FBXO36: variants seen among roughly 807,000 people sequenced by gnomAD.
FBXO36 encodes F-box only protein 36.
FBXO36 carries 18 observed loss-of-function variants against 17.0 expected under a neutral mutation model. That is an observed-to-expected ratio of 1.06 (90% confidence interval 0.73 to 1.57). The LOEUF is 1.57. FBXO36 is among the 40% of genes most tolerant of loss of function. The pLI is 0.00. For missense variants in FBXO36, 229 were observed against 221.9 expected (o/e 1.03, Z -0.20); for synonymous variants, 83 against 85.3 (o/e 0.97, Z 0.15).
rs951530598 is a variant in FBXO36 at position 229,988,411 on chromosome 2, G to A, written c.206-8340G>A. Among the ~76,000 whole-genome samples, 140 of 152,168 alleles carry A rather than the reference G, an allele frequency of 9.2e-4. 1 individual carries two copies. The highest frequency in any genetic ancestry group is 3.1e-3 in the African/African-American group (129 of 41,534). Reference sequence around the variant, plus strand: ...TAAATATGTTTATATTCTGGTACCCGTTTTTTACACAAATAGCATTCTGCT... The same window carrying A: ...TAAATATGTTTATATTCTGGTACCCATTTTTTACACAAATAGCATTCTGCT... On this transcript the variant is annotated intron_variant, in intron 2 of 3. Coordinates refer to ENST00000283946, the MANE Select transcript of FBXO36 (RefSeq NM_174899.5).
At chr2:229,948,733 C>T (rs193164366) in intron 1 of FBXO36, among the ~76,000 whole-genome samples, 16 of 152,266 alleles carry the variant, frequency 1.1e-4, no homozygotes, top group Admixed American at 7.8e-4. Flanking sequence ...TCTGGTACCA[C>T]GCAAAAGCAG....
At chr2:229,961,650 AG>A (rs752122274) in intron 1 of FBXO36, among the ~76,000 whole-genome samples, 121 of 152,342 alleles carry the variant, frequency 7.9e-4, no homozygotes, top group Non-Finnish European at 6.2e-4. Flanking sequence ...CTGAGGTTAC[AG>A]GCATGAGCCA....
intron 2 of FBXO36, among the ~76,000 whole-genome samples, chr2:229,978,121 A>C (rs900234966): frequency 2.0e-5 from 3 of 151,922 alleles, no homozygotes; most frequent in Admixed American, 6.6e-5. Flanking sequence ...AAAACCAAAA[A>C]AAAAATTTTT....
At chr2:229,933,603 T>C (rs529800080) in intron 1 of FBXO36, among the ~76,000 whole-genome samples, 1 of 152,258 alleles carries the variant, frequency 6.6e-6, no homozygotes, top group South Asian at 2.1e-4. Context: ...TGCGAGCCTA[T>C]AGTCCCAGCT....
At chr2:229,957,188 T>C (rs1277722340) in intron 1 of FBXO36, among the ~76,000 whole-genome samples, 1 of 152,172 alleles carries the variant, frequency 6.6e-6, no homozygotes, top group African/African-American at 2.4e-5. Context: ...GAAAAGGGCA[T>C]AGATGCAGGC....
intron 1 of FBXO36, among the ~76,000 whole-genome samples, chr2:229,956,116 G>A (rs1244661448): frequency 6.6e-6 from 1 of 152,182 alleles, no homozygotes; most frequent in African/African-American, 2.4e-5. Flanking sequence ...CATTTTGGGA[G>A]CTGTATTAGT....
At chr2:229,973,608 C>G (rs1166503029) in intron 1 of FBXO36, among the ~76,000 whole-genome samples, 2 of 151,632 alleles carry the variant, frequency 1.3e-5, no homozygotes, top group Non-Finnish European at 2.9e-5. Context: ...GTAATCCCAG[C>G]TACTCAGGAG....
At chr2:229,994,636 C>T (rs540189800) in intron 2 of FBXO36, among the ~76,000 whole-genome samples, 1 of 152,276 alleles carries the variant, frequency 6.6e-6, no homozygotes, top group East Asian at 1.9e-4. Context: ...AGGTGGTCGC[C>T]AAATATTGGA....
intron 2 of FBXO36, among the ~76,000 whole-genome samples, chr2:229,979,398 GTA>G (rs759213980): frequency 1.3e-4 from 19 of 150,060 alleles, no homozygotes; most frequent in African/African-American, 2.4e-4. Context: ...GTATGTGTGT[GTA>G]TATATATATA....
chr2:229,969,704 T>TA (rs2077171891), intron 1 of FBXO36, among the ~76,000 whole-genome samples: 1 of 151,902 alleles, frequency 6.6e-6, no homozygotes, highest in Non-Finnish European at 1.5e-5. Context: ...AAAATAAAAA[T>TA]AAAATAAAAT....
chr2:229,996,384 T>G (rs879410846), intron 2 of FBXO36, among the ~76,000 whole-genome samples: 1 of 152,184 alleles, frequency 6.6e-6, no homozygotes, highest in Non-Finnish European at 1.5e-5. Context: ...GACCAGCATC[T>G]TTTTCCTCCA....
intron 1 of FBXO36, among the ~76,000 whole-genome samples, chr2:229,936,977 A>G (rs890742219): frequency 3.9e-5 from 6 of 152,176 alleles, no homozygotes; most frequent in African/African-American, 1.4e-4. Context: ...CTGATCATAA[A>G]TCTATTCTCC....
At chr2:230,006,105 G>GTTTTTTTTT (rs577192144) in intron 3 of FBXO36, among the ~76,000 whole-genome samples, 27 of 124,644 alleles carry the variant, frequency 2.2e-4, no homozygotes, top group African/African-American at 8.0e-4. Flanking sequence ...TTTTATTTTA[G>GTTTTTTTTT]TTTTTTTTTT....
At chr2:229,923,845 T>C (rs538799724) in intron 1 of FBXO36, among the ~76,000 whole-genome samples, 295 of 136,210 alleles carry the variant, frequency 2.2e-3, no homozygotes, top group African/African-American at 7.6e-3. Flanking sequence ...TTTTTTGGTG[T>C]TGTTTTTTTT....
At chr2:229,997,634 G>A (rs888220914) in intron 3 of FBXO36, among the ~76,000 whole-genome samples, 9 of 151,666 alleles carry the variant, frequency 5.9e-5, no homozygotes, top group Admixed American at 1.3e-4. Context: ...TGACATCCGC[G>A]TTTCCATTTC....
intron 1 of FBXO36, among the ~76,000 whole-genome samples, chr2:229,954,883 T>G (rs1406046685): frequency 6.6e-6 from 1 of 151,362 alleles, no homozygotes; most frequent in Non-Finnish European, 1.5e-5. Context: ...AGAGTCTCGT[T>G]CTATTGCCCA....
In FBXO36 at chr2:229,992,862, G is replaced by A. The variant is rs565045816; in HGVS notation, c.206-3889G>A. Among the ~76,000 whole-genome samples, 7 of 152,284 alleles carry A rather than the reference G, an allele frequency of 4.6e-5. No individual in the cohort carries two copies. In the East Asian group the frequency reaches 1.3e-3, roughly 29 times the overall value. ...TTGGGGCTGGAGGATCCCATTCAAGGATGGCTTATACACATGGCTGAGAAA... is the reference window on the plus strand; with the variant it reads ...TTGGGGCTGGAGGATCCCATTCAAGAATGGCTTATACACATGGCTGAGAAA... On this transcript the variant is annotated intron_variant, in intron 2 of 3. Transcript: ENST00000283946.
intron 1 of FBXO36, among the ~76,000 whole-genome samples, chr2:229,968,879 T>G (rs1453493518): frequency 1.3e-5 from 2 of 151,490 alleles, no homozygotes; most frequent in Non-Finnish European, 2.9e-5. Flanking sequence ...GTTCAAGTGA[T>G]TCTTATGCCT....
chr2:229,974,430 C>A (rs138391741), intron 1 of FBXO36, among the ~76,000 whole-genome samples: 1 of 152,316 alleles, frequency 6.6e-6, no homozygotes, highest in East Asian at 1.9e-4. Context: ...GCCATTGTGG[C>A]AAGCACTGCA....
Sources: gnomAD v4.1 joint callset for allele counts (sites outside exome capture counted in the v4.1 genomes callset) on GRCh38, gnomAD v4.1.1 for gene constraint, MANE v1.5 for transcripts, NCBI Gene and HGNC (gene_info 2026-07-23, HGNC 2026-07-21) for gene names.